The following AFF2 variants were observed in gnomAD, a reference collection of about 807,000 sequenced individuals.
The protein encoded by AFF2 is AF4/FMR2 family member 2.
AFF2 carries 14 observed loss-of-function variants against 76.9 expected under a neutral mutation model. That is an observed-to-expected ratio of 0.18 (90% CI 0.12 to 0.28). The LOEUF (loss-of-function observed/expected upper bound fraction) is 0.28. Among genes scored for constraint, AFF2 ranks in the 10% least tolerant of loss-of-function variants. The pLI is 1.00. For missense variants in AFF2, 868 were observed against 1,001.1 expected, an observed-to-expected ratio of 0.87 and a Z score of 1.79; for synonymous variants, 398 against 366.7, an observed-to-expected ratio of 1.09 and a Z score of -0.98.
Position 148,581,029 on chromosome X carries a change from A to ATATATG in AFF2, c.48-70965_48-70964insGTATAT, listed in dbSNP as rs1569551579. ...ACCTCCTACACACAAACATATGTGT[A>ATATATG]TATATACACACATATATACACATAT... is the stretch of plus-strand genomic sequence containing the variant. On this transcript the variant is annotated intron_variant, in intron 1 of 20. Coordinates refer to ENST00000370460, the MANE Select transcript of AFF2 (RefSeq NM_002025.4). Among the ~76,000 whole-genome samples the ATATATG allele has an allele frequency of 3.3e-3, 111 of 33,710 alleles. 2 individuals are homozygous for ATATATG. The highest frequency in any genetic ancestry group is 0.01 in the African/African-American group (108 of 10,727). The allele number at this position is 33,710 out of a possible 115,157, so 29.3% of individuals were successfully genotyped here.
intron 3 of AFF2, among the ~76,000 whole-genome samples, chrX:148,736,902 T>C (rs1187768421): frequency 9.0e-6 from 1 of 111,651 alleles, no homozygotes; most frequent in Non-Finnish European, 1.9e-5. Context: ...TTTTGTTTGC[T>C]CTGTAGAAGA....
At chrX:148,706,805 A>G (rs148782223) in intron 3 of AFF2, among the ~76,000 whole-genome samples, 5 of 112,759 alleles carry the variant, frequency 4.4e-5, no homozygotes, top group African/African-American at 1.6e-4. Flanking sequence ...TCATTGGCCA[A>G]TTTAAAAAGT....
intron 3 of AFF2, among the ~76,000 whole-genome samples, chrX:148,781,188 C>A (rs782125151): frequency 8.9e-6 from 1 of 111,953 alleles, no homozygotes; most frequent in African/African-American, 3.2e-5. Context: ...TCTGTCAACT[C>A]CTGCTGGGAG....
intron 7 of AFF2, among the ~76,000 whole-genome samples, chrX:148,855,411 T>C (rs2070776452): frequency 9.0e-6 from 1 of 111,218 alleles, no homozygotes; most frequent in African/African-American, 3.3e-5. Context: ...CAAATCTATT[T>C]ACCTGAGTGG....
At chrX:148,816,577 AGAATGGGCATTAAAGTTGGAGAT>A (rs1557272176) in intron 4 of AFF2, among the ~76,000 whole-genome samples, 2 of 111,529 alleles carry the variant, frequency 1.8e-5, no homozygotes, top group Non-Finnish European at 3.8e-5. Context: ...TAGAATAATG[AGAATGGGCATTAAAGTTGGAGAT>A]GGGAGCTTCC....
At chrX:148,615,034 G>A (rs1304889317) in intron 1 of AFF2, among the ~76,000 whole-genome samples, 5 of 110,111 alleles carry the variant, frequency 4.5e-5, no homozygotes, top group Non-Finnish European at 9.5e-5. Context: ...GTAAATTTCT[G>A]TTGGCTGGTA....
chrX:148,951,337 T>C (rs1294700904), intron 9 of AFF2, among the ~76,000 whole-genome samples: 1 of 110,564 alleles, frequency 9.0e-6, no homozygotes, highest in Non-Finnish European at 1.9e-5. Flanking sequence ...ATTTTTTTGT[T>C]TCTTACAGAA....
At chrX:148,599,907 A>G (rs1017942671) in intron 1 of AFF2, among the ~76,000 whole-genome samples, 8 of 111,716 alleles carry the variant, frequency 7.2e-5, no homozygotes, top group Non-Finnish European at 1.5e-4. Context: ...AAGTGCATGT[A>G]TGTGTATTTG....
chrX:148,862,645 C>G (rs2070862580), intron 7 of AFF2, among the ~76,000 whole-genome samples: 1 of 111,289 alleles, frequency 9.0e-6, no homozygotes, highest in Non-Finnish European at 1.9e-5. Flanking sequence ...GATAACTGAT[C>G]TATTATGAGA....
rs2072606000 is a variant in AFF2 at position 148,996,777 on chromosome X, A to G, written c.*5445A>G. ...GAGATGGATCAATGGAGATGGTTCC[A>G]TCATCTCCTTCCATATCTCACAGGT... On this transcript the variant is annotated 3_prime_UTR_variant, in exon 21 of 21. Transcript: ENST00000370460. The G allele has an allele frequency of 8.9e-6, 1 of 112,111 alleles. No individual in the cohort carries two copies. The highest frequency in any genetic ancestry group is 3.2e-5 in the African/African-American group (1 of 30,771). The allele number at this position is 112,111 out of a possible 1,213,427, so 9.2% of individuals were successfully genotyped here.
At position 148,655,285 on chromosome X, in the gene AFF2, C is replaced by CTTTTT. The variant is rs781858368; in HGVS notation, c.180+3165_180+3169dup. Among the ~76,000 whole-genome samples, 5 of 102,225 alleles carry CTTTTT rather than the reference C, an allele frequency of 4.9e-5. 2 individuals carry two copies. Among genetic ancestry groups the CTTTTT allele is most frequent in the Non-Finnish European group, 5.9e-5 (3 of 51,004 alleles). The allele number at this position is 102,225 out of a possible 115,157, so 88.8% of individuals were successfully genotyped here. A position where few individuals can be genotyped will look rare whatever the true frequency, so the allele number is the denominator to read the frequency against. On this transcript the variant is annotated intron_variant, in intron 2 of 20. Coordinates refer to ENST00000370460, the MANE Select transcript of AFF2 (RefSeq NM_002025.4). ...CTTCCTGATGGGGAAAAACCTTGTC[C>CTTTTT]TTTTTTTTTTTTTTTCTGAGATGGA... is the stretch of plus-strand genomic sequence containing the variant.
intron 3 of AFF2, among the ~76,000 whole-genome samples, chrX:148,802,334 A>G (rs1557271003): frequency 1.8e-5 from 2 of 111,912 alleles, no homozygotes; most frequent in African/African-American, 3.2e-5. Flanking sequence ...GTGTGCCAGT[A>G]TGTTTGATGT....
At chrX:148,844,073 A>G (rs2070636465) in intron 7 of AFF2, among the ~76,000 whole-genome samples, 1 of 112,539 alleles carries the variant, frequency 8.9e-6, no homozygotes, top group African/African-American at 3.2e-5. Flanking sequence ...GATTTCAGTG[A>G]AAAAATAAAT....
rs566563160 is a variant in AFF2 at position 148,637,388 on chromosome X, C to T, written c.48-14611C>T. On this transcript the variant is annotated intron_variant, in intron 1 of 20. Transcript: ENST00000370460. ...ATAATTAAACAGGATGGCATAAGGCCGCATAGGTTAGACTGTTACAACAAA... is the reference window on the plus strand; with the variant it reads ...ATAATTAAACAGGATGGCATAAGGCTGCATAGGTTAGACTGTTACAACAAA... 6.3e-5 allele frequency among the ~76,000 whole-genome samples: 7 copies of T among 111,917 alleles called. No homozygotes were observed. In the South Asian group the frequency reaches 1.1e-3, roughly 18 times the overall value.
chrX:148,638,844 A>C (rs2054059333), intron 1 of AFF2, among the ~76,000 whole-genome samples: 1 of 111,767 alleles, frequency 8.9e-6, no homozygotes, highest in Non-Finnish European at 1.9e-5. Flanking sequence ...CTTTTTGTCA[A>C]ATATCCAAAC....
intron 9 of AFF2, among the ~76,000 whole-genome samples, chrX:148,942,939 A>G (rs1431146052): frequency 8.9e-6 from 1 of 111,971 alleles, no homozygotes; most frequent in Admixed American, 9.4e-5. Flanking sequence ...TCAAAGCCTA[A>G]TTACTAGGCC....
chrX:148,707,363 T>C (rs1241629702), intron 3 of AFF2, among the ~76,000 whole-genome samples: 1 of 111,474 alleles, frequency 9.0e-6, no homozygotes, highest in Non-Finnish European at 1.9e-5. Context: ...CATTAACATA[T>C]TAATCTTTTT....
chrX:148,599,143 G>A (rs1356366553), intron 1 of AFF2, among the ~76,000 whole-genome samples: 4 of 112,283 alleles, frequency 3.6e-5, no homozygotes, highest in African/African-American at 1.3e-4. Flanking sequence ...GTGACCCTGT[G>A]AAATGAATAT....
intron 3 of AFF2, among the ~76,000 whole-genome samples, chrX:148,698,473 C>T (rs1406365414): frequency 8.9e-6 from 1 of 112,467 alleles, no homozygotes; most frequent in Non-Finnish European, 1.9e-5. Context: ...TGTTTCTCAG[C>T]TACAGAGCTG....
Sources: gnomAD v4.1 joint callset for allele counts (sites outside exome capture counted in the v4.1 genomes callset) on GRCh38, gnomAD v4.1.1 for gene constraint, MANE v1.5 for transcripts, NCBI Gene and HGNC (gene_info 2026-07-23, HGNC 2026-07-21) for gene names.